CPSF4: variants seen among roughly 807,000 people sequenced by gnomAD.
The protein encoded by CPSF4 is cleavage and polyadenylation specificity factor subunit 4.
Under a neutral mutation model 37.7 loss-of-function variants are expected in CPSF4, and 11 were observed. The observed-to-expected ratio is 0.29, with a 90% CI of 0.18 to 0.48. CPSF4 has a LOEUF of 0.48. Among genes scored for constraint, CPSF4 ranks in the 20% least tolerant of loss-of-function variants. The pLI is 0.99. For synonymous variants in CPSF4, 132 were observed against 135.9 expected (o/e 0.97, Z 0.20); for missense variants, 144 against 359.5 (o/e 0.40, Z 4.85).
At chr7:99,441,848 T>C (rs1404220983) in intron 1 of CPSF4, among the ~76,000 whole-genome samples, 3 of 152,058 alleles carry the variant, frequency 2.0e-5, no homozygotes, top group Non-Finnish European at 2.9e-5. Context: ...CGTGCCACCA[T>C]GTCTGACTAA....
chr7:99,454,557 G>C (rs903425611), intron 7 of CPSF4, among the ~76,000 whole-genome samples: 1 of 152,030 alleles, frequency 6.6e-6, no homozygotes, highest in Non-Finnish European at 1.5e-5. Context: ...CCCTCCCCCA[G>C]TACATAAAAT....
chr7:99,442,256 A>G (rs1797050052), intron 1 of CPSF4, among the ~76,000 whole-genome samples: 1 of 151,986 alleles, frequency 6.6e-6, no homozygotes, highest in Admixed American at 6.6e-5. Context: ...GAATTCCTGG[A>G]CTCATCAGAA....
chr7:99,448,272 C>A lies in CPSF4; in HGVS notation c.306C>A (p.Phe102Leu). 1 of 1,613,964 alleles carries A rather than the reference C, an allele frequency of 6.2e-7. No homozygotes were observed. Among genetic ancestry groups the A allele is most frequent in the South Asian group, 1.1e-5 (1 of 91,066 alleles). Residue 102 changes from phenylalanine (F) to leucine (L), a missense_variant and splice_region_variant, in exon 3 of 8, where the codon TTC becomes TTA. By Grantham distance (22) the Phe-to-Leu change is conservative. This residue lies in a region of CPSF4 where 12 missense variants were observed against 100.9 expected (regional missense o/e 0.12). Coordinates refer to ENST00000292476, the MANE Select transcript of CPSF4 (RefSeq NM_006693.4). The surrounding 1 kb of genome is among the most constrained non-coding windows in gnomAD (Gnocchi z 4.4). Reference protein sequence around the residue: ...KMPECYFYSKFGECSNKECPF... With the variant: ...KMPECYFYSKLGECSNKECPF... ...CCGAGTGCTACTTCTACTCCAAGTT[C>A]GGTAAGGCGCCTGGAGCCCTGGAGG...
At chr7:99,440,309 A>G (rs1482268484) in intron 1 of CPSF4, among the ~76,000 whole-genome samples, 1 of 152,018 alleles carries the variant, frequency 6.6e-6, no homozygotes, top group African/African-American at 2.4e-5. Flanking sequence ...CTTCTCATGC[A>G]CATGTGACCT....
At chr7:99,439,944 G>A (rs538279655) in intron 1 of CPSF4, among the ~76,000 whole-genome samples, 1 of 152,022 alleles carries the variant, frequency 6.6e-6, no homozygotes, top group East Asian at 1.9e-4. Flanking sequence ...TGGACCCTTG[G>A]CCTGAACTCC....
Position 99,448,800 on chromosome 7 carries a change from C to A in CPSF4, c.307+527C>A. On this transcript the variant is annotated intron_variant, in intron 3 of 7. Coordinates refer to ENST00000292476, the MANE Select transcript of CPSF4 (RefSeq NM_006693.4). The surrounding 1 kb of genome is among the most constrained non-coding windows in gnomAD (Gnocchi z 4.4). ...ATTGCCTCTCAGGCCCGAGCTGGTTCCTTCTCTCCAGGAGCCATGATCCTG... is the reference window on the plus strand; with the variant it reads ...ATTGCCTCTCAGGCCCGAGCTGGTTACTTCTCTCCAGGAGCCATGATCCTG... 1 of 153,876 alleles carries A rather than the reference C, an allele frequency of 6.5e-6. No homozygotes were observed. 9.5% of individuals were successfully genotyped at this position (153,876 alleles called of 1,614,324 possible). A position where few individuals can be genotyped will look rare whatever the true frequency, so the allele number is the denominator to read the frequency against.
At chr7:99,441,531 A>G (rs765511682) in intron 1 of CPSF4, 19 of 456,064 alleles carry the variant, frequency 4.2e-5, no homozygotes, top group Non-Finnish European at 7.9e-5. Context: ...TTCCTCACCC[A>G]TCCCTCCTCT....
At chr7:99,454,355 C>T (rs554391996) in intron 7 of CPSF4, among the ~76,000 whole-genome samples, 58 of 152,342 alleles carry the variant, frequency 3.8e-4, no homozygotes, top group South Asian at 3.7e-3. Flanking sequence ...ATGGTGAGAA[C>T]GCCTGCCTAG....
intron 1 of CPSF4, chr7:99,439,501 A>C: frequency 3.4e-6 from 1 of 298,408 alleles, no homozygotes; most frequent in Non-Finnish European, 6.2e-6. Flanking sequence ...CCTGACTCCC[A>C]GGCCCCCATT....
In CPSF4 at chr7:99,453,054, C is replaced by T. The variant is rs1047388969; in HGVS notation, c.570+614C>T. 2 of 152,424 alleles carry T rather than the reference C, an allele frequency of 1.3e-5. No homozygotes were observed. Among genetic ancestry groups the T allele is most frequent in the Non-Finnish European group, 2.9e-5 (2 of 68,216 alleles). 9.4% of individuals were successfully genotyped at this position (152,424 alleles called of 1,614,324 possible). On this transcript the variant is annotated intron_variant, in intron 6 of 7. Transcript: ENST00000292476. The surrounding 1 kb of genome is among the most constrained non-coding windows in gnomAD (Gnocchi z 4.7). ...CAAGGAGAGGGGGAAATGCTGTAGA[C>T]ACATGGGGATCTGCAGCAGCCTCTC...
intron 1 of CPSF4, 128 bp downstream of exon 1, chr7:99,439,313 C>A (rs980241960): frequency 1.6e-4 from 103 of 639,818 alleles, no homozygotes; most frequent in Non-Finnish European, 7.8e-5. Context: ...TGGGACCCCT[C>A]CCCTTTGGTC....
At chr7:99,454,997 G>C (rs1267214453) in intron 7 of CPSF4, among the ~76,000 whole-genome samples, 1 of 152,138 alleles carries the variant, frequency 6.6e-6, no homozygotes, top group African/African-American at 2.4e-5. Context: ...CAAGCCTGCA[G>C]TGAGCTATGA....
At chr7:99,439,292 C>T in intron 1 of CPSF4, 107 bp downstream of exon 1, 1 of 758,076 alleles carries the variant, frequency 1.3e-6, no homozygotes. Flanking sequence ...CCCCCGGCTT[C>T]CTCTGGATCC....
At chr7:99,440,678 T>A (rs201962652) in intron 1 of CPSF4, among the ~76,000 whole-genome samples, 3,012 of 83,408 alleles carry the variant, frequency 0.036, 85 homozygotes, top group East Asian at 0.07. Flanking sequence ...ATATATATTT[T>A]TTTTTTTTTT....
intron 5 of CPSF4, among the ~76,000 whole-genome samples, chr7:99,451,450 C>T (rs1045099774): frequency 6.6e-6 from 1 of 152,158 alleles, no homozygotes. Flanking sequence ...ACTAAAAATA[C>T]AAAAATTAGC....
intron 7 of CPSF4, among the ~76,000 whole-genome samples, chr7:99,454,928 G>A (rs1798202402): frequency 6.6e-6 from 1 of 152,130 alleles, no homozygotes; most frequent in Non-Finnish European, 1.5e-5. Context: ...GGTGGTGCAC[G>A]CCTGTAGTCC....
At chr7:99,447,277 T>C (rs1584499479) in intron 2 of CPSF4, among the ~76,000 whole-genome samples, 1 of 141,144 alleles carries the variant, frequency 7.1e-6, no homozygotes, top group Non-Finnish European at 1.5e-5. Context: ...TTTTCTTTTT[T>C]TTTTTTTTGA....
intron 2 of CPSF4, among the ~76,000 whole-genome samples, chr7:99,445,413 A>G (rs967511498): frequency 2.4e-5 from 3 of 127,178 alleles, no homozygotes; most frequent in Admixed American, 7.5e-5. Flanking sequence ...ACTCTATCTC[A>G]AAAAAAAAAA....
At chr7:99,455,438 C>A (rs1209343911) in intron 7 of CPSF4, among the ~76,000 whole-genome samples, 1 of 152,222 alleles carries the variant, frequency 6.6e-6, no homozygotes, top group Non-Finnish European at 1.5e-5. Context: ...CGGTGGCTCA[C>A]GCCTGTAATC....
Sources: gnomAD v4.1 joint callset for allele counts (sites outside exome capture counted in the v4.1 genomes callset) on GRCh38, gnomAD v4.1.1 for gene constraint, gnomAD v4.1.1 regional missense constraint, Gnocchi (gnomAD v3.1) non-coding constraint, MANE v1.5 for transcripts, NCBI Gene and HGNC (gene_info 2026-07-23, HGNC 2026-07-21) for gene names.